Variants in CCDC178 observed in about 807,000 individuals in gnomAD.
The protein encoded by CCDC178 is coiled-coil domain-containing protein 178.
A neutral mutation model predicts 117.4 loss-of-function variants in CCDC178; 126 were observed. The ratio of observed to expected loss-of-function variants is 1.07; its 90% CI spans 0.93 to 1.24. The LOEUF is 1.24. CCDC178 is among the 50% of genes most tolerant of loss of function. The pLI is 0.00. For missense variants in CCDC178, 1,030 were observed against 986.9 expected (o/e 1.04, Z -0.59); for synonymous variants, 283 against 313.4 (o/e 0.90, Z 1.02).
chr18:33,367,534 T>G (rs1366130696), intron 6 of CCDC178, among the ~76,000 whole-genome samples: 2 of 151,996 alleles, frequency 1.3e-5, no homozygotes, highest in Non-Finnish European at 2.9e-5. Context: ...TTACCAACAT[T>G]TTTTGGTAAT....
intron 10 of CCDC178, among the ~76,000 whole-genome samples, chr18:33,329,809 A>T (rs970975760): frequency 6.6e-6 from 1 of 151,740 alleles, no homozygotes; most frequent in Non-Finnish European, 1.5e-5. Context: ...ACATAGATGA[A>T]TTAGGAAGTG....
intron 21 of CCDC178, among the ~76,000 whole-genome samples, chr18:33,009,488 C>T (rs1241466163): frequency 6.6e-6 from 1 of 151,996 alleles, no homozygotes; most frequent in African/African-American, 2.4e-5. Context: ...TTTGTGTATT[C>T]TGCATTACTG....
intron 21 of CCDC178, among the ~76,000 whole-genome samples, chr18:33,054,850 G>A (rs142482126): frequency 6.6e-6 from 1 of 152,210 alleles, no homozygotes; most frequent in Non-Finnish European, 1.5e-5. Flanking sequence ...TTGCCACACT[G>A]TCTTCCACAA....
intron 2 of CCDC178, among the ~76,000 whole-genome samples, chr18:33,430,964 A>T (rs765535837): frequency 9.2e-5 from 14 of 151,404 alleles, no homozygotes; most frequent in Non-Finnish European, 1.3e-4. Context: ...GGTCCCAGCT[A>T]CTCGGGAGGC....
chr18:33,227,863 T>G (rs1232344120), intron 15 of CCDC178, among the ~76,000 whole-genome samples: 1 of 152,136 alleles, frequency 6.6e-6, no homozygotes, highest in African/African-American at 2.4e-5. Context: ...TAAGGATATA[T>G]CTACATCTAA....
At chr18:33,068,756 G>A (rs536143050) in intron 21 of CCDC178, among the ~76,000 whole-genome samples, 1 of 152,218 alleles carries the variant, frequency 6.6e-6, no homozygotes, top group East Asian at 1.9e-4. Context: ...CTAAGAATGA[G>A]AGCAAGACAA....
intron 21 of CCDC178, among the ~76,000 whole-genome samples, chr18:33,003,587 G>A (rs970057775): frequency 6.6e-6 from 1 of 151,996 alleles, no homozygotes; most frequent in Non-Finnish European, 1.5e-5. Flanking sequence ...TCATACTGAT[G>A]GGGAAACACT....
At chr18:33,301,962 C>T (rs1383049664) in intron 11 of CCDC178, among the ~76,000 whole-genome samples, 5 of 152,066 alleles carry the variant, frequency 3.3e-5, no homozygotes, top group Non-Finnish European at 5.9e-5. Context: ...ATGTTTGTCC[C>T]CTCCAAATCT....
intron 22 of CCDC178, among the ~76,000 whole-genome samples, chr18:32,952,912 A>C (rs1568177290): frequency 6.6e-6 from 1 of 151,424 alleles, no homozygotes. Context: ...AGCTGGGACT[A>C]CAGGCACCCA....
At chr18:33,348,443 C>A (rs1451297837) in intron 8 of CCDC178, among the ~76,000 whole-genome samples, 1 of 151,896 alleles carries the variant, frequency 6.6e-6, no homozygotes, top group Admixed American at 6.6e-5. Context: ...TGGTAGTCAT[C>A]ATCCACATGC....
chr18:33,064,694 C>G (rs1273291775), intron 21 of CCDC178, among the ~76,000 whole-genome samples: 1 of 152,128 alleles, frequency 6.6e-6, no homozygotes, highest in Non-Finnish European at 1.5e-5. Flanking sequence ...GTTATATAAT[C>G]CAGCAATCCC....
Position 33,229,259 on chromosome 18 carries a change from T to A in CCDC178, c.1594-2404A>T, listed in dbSNP as rs145979203. Among the ~76,000 whole-genome samples, 467 of 152,232 alleles carry A rather than the reference T, an allele frequency of 3.1e-3. 4 individuals are homozygous for A. The highest frequency in any genetic ancestry group is 0.011 in the African/African-American group (454 of 41,554). ...AGATTTGCCCCAAGTTGGACTAAGGTAGCAAGGCTATCATTCTATTTTTAT... is the reference window on the plus strand; with the variant it reads ...AGATTTGCCCCAAGTTGGACTAAGGAAGCAAGGCTATCATTCTATTTTTAT... On this transcript the variant is annotated intron_variant, in intron 15 of 22. Transcript: ENST00000383096.
chr18:33,329,422 G>T (rs537271369), intron 10 of CCDC178, among the ~76,000 whole-genome samples: 2 of 152,128 alleles, frequency 1.3e-5, no homozygotes, highest in South Asian at 4.2e-4. Flanking sequence ...TATTACCTGT[G>T]GGTTTTACAA....
At chr18:33,414,651 A>T (rs976403766) in intron 2 of CCDC178, among the ~76,000 whole-genome samples, 1 of 152,260 alleles carries the variant, frequency 6.6e-6, no homozygotes, top group African/African-American at 2.4e-5. Flanking sequence ...CAAGGACTTC[A>T]TGTCTAAAAC....
intron 11 of CCDC178, among the ~76,000 whole-genome samples, chr18:33,321,469 A>G (rs1241160054): frequency 6.6e-6 from 1 of 152,158 alleles, no homozygotes; most frequent in Non-Finnish European, 1.5e-5. Context: ...TGACTACTTA[A>G]AACAATAATA....
At chr18:33,372,075 T>G (rs956688363) in intron 5 of CCDC178, among the ~76,000 whole-genome samples, 8 of 152,090 alleles carry the variant, frequency 5.3e-5, no homozygotes, top group Non-Finnish European at 1.0e-4. Context: ...TTGTGAATAC[T>G]AATAATTTCC....
At chr18:33,176,065 C>T (rs2058661197) in intron 20 of CCDC178, among the ~76,000 whole-genome samples, 1 of 152,066 alleles carries the variant, frequency 6.6e-6, no homozygotes, top group South Asian at 2.1e-4. Flanking sequence ...TCCCCTTCCA[C>T]ACACCCCCTC....
intron 21 of CCDC178, among the ~76,000 whole-genome samples, chr18:33,047,736 C>T (rs1408203119): frequency 6.6e-6 from 1 of 152,170 alleles, no homozygotes; most frequent in Non-Finnish European, 1.5e-5. Context: ...GTCTCTAAGT[C>T]TCTACAGTGA....
chr18:33,183,288 C>T (rs1379489696), intron 20 of CCDC178, among the ~76,000 whole-genome samples: 3 of 151,906 alleles, frequency 2.0e-5, no homozygotes, highest in East Asian at 1.9e-4. Flanking sequence ...AAAGTTGTTG[C>T]GCCAAGATGC....
Sources: gnomAD v4.1 joint callset for allele counts (sites outside exome capture counted in the v4.1 genomes callset) on GRCh38, gnomAD v4.1.1 for gene constraint, MANE v1.5 for transcripts, NCBI Gene and HGNC (gene_info 2026-07-23, HGNC 2026-07-21) for gene names.